ANKS1B: variants seen among roughly 807,000 people sequenced by gnomAD.
ANKS1B encodes the protein ankyrin repeat and sterile alpha motif domain-containing protein 1B.
A neutral mutation model predicts 148.3 loss-of-function variants in ANKS1B; 36 were observed. The ratio of observed to expected loss-of-function variants is 0.24; its 90% CI spans 0.19 to 0.32. The LOEUF is 0.32. ANKS1B is among the 10% of genes least tolerant of loss of function. The probability of loss-of-function intolerance (pLI) is 1.00; values close to 1 mark genes in which losing one functional copy is unlikely to be tolerated. For synonymous variants in ANKS1B, 542 were observed against 560.8 expected (o/e 0.97, Z 0.47); for missense variants, 1,157 against 1,542.6 (o/e 0.75, Z 4.19).
intron 14 of ANKS1B, among the ~76,000 whole-genome samples, chr12:99,209,993 G>C (rs10860404): frequency 0.13 from 20,417 of 152,074 alleles, 1,578 homozygotes; most frequent in South Asian, 0.29. Flanking sequence ...CTGTGATAAA[G>C]CTCTCTCACC....
At chr12:99,090,797 G>A (rs2053745427) in intron 15 of ANKS1B, among the ~76,000 whole-genome samples, 1 of 152,074 alleles carries the variant, frequency 6.6e-6, no homozygotes, top group Non-Finnish European at 1.5e-5. Context: ...TGGTTATTGT[G>A]CTAAATACCA....
intron 12 of ANKS1B, among the ~76,000 whole-genome samples, chr12:99,301,650 G>C (rs1400542786): frequency 6.6e-6 from 1 of 152,078 alleles, no homozygotes; most frequent in African/African-American, 2.4e-5. Context: ...CTATGAACCA[G>C]GCACTGAGTG....
chr12:98,743,531 G>A (rs891138003), downstream of ANKS1B, among the ~76,000 whole-genome samples: 4 of 151,286 alleles, frequency 2.6e-5, no homozygotes, highest in African/African-American at 7.4e-5. Context: ...TGCATGGGCC[G>A]CCTCTCATCT....
chr12:99,980,285 G>C (rs1459814498), intron 1 of ANKS1B, among the ~76,000 whole-genome samples: 2 of 151,868 alleles, frequency 1.3e-5, no homozygotes, highest in Admixed American at 6.6e-5. Context: ...TAATTTCATT[G>C]TATCATGTTT....
intron 14 of ANKS1B, among the ~76,000 whole-genome samples, chr12:99,174,012 T>C (rs971340818): frequency 6.6e-6 from 1 of 152,208 alleles, no homozygotes; most frequent in African/African-American, 2.4e-5. Context: ...TACCTCAAAA[T>C]TGGGAAGATG....
At chr12:98,938,035 G>C (rs746793895) in intron 17 of ANKS1B, among the ~76,000 whole-genome samples, 3 of 152,128 alleles carry the variant, frequency 2.0e-5, no homozygotes, top group Admixed American at 6.5e-5. Context: ...TTCTTCCCTT[G>C]ACATGTGGGG....
chr12:99,841,076 G>A (rs1179886492), intron 1 of ANKS1B, among the ~76,000 whole-genome samples: 1 of 152,088 alleles, frequency 6.6e-6, no homozygotes, highest in Non-Finnish European at 1.5e-5. Flanking sequence ...GCACCACCTT[G>A]GGAAAATTAC....
At chr12:99,361,803 T>C (rs2092484898) in intron 12 of ANKS1B, among the ~76,000 whole-genome samples, 1 of 152,032 alleles carries the variant, frequency 6.6e-6, no homozygotes, top group South Asian at 2.1e-4. Flanking sequence ...AATAGCACAC[T>C]GGGGGTGGGG....
chr12:99,963,709 G>A (rs1267792260), intron 1 of ANKS1B, among the ~76,000 whole-genome samples: 1 of 152,138 alleles, frequency 6.6e-6, no homozygotes, highest in Non-Finnish European at 1.5e-5. Context: ...CTTAAAGCTT[G>A]GGAAATTCCC....
At chr12:98,933,222 C>T (rs904426404) in intron 17 of ANKS1B, among the ~76,000 whole-genome samples, 6 of 152,202 alleles carry the variant, frequency 3.9e-5, no homozygotes, top group Non-Finnish European at 5.9e-5. Context: ...ATGCCTTACA[C>T]AAGTAGCATT....
chr12:99,016,515 G>A (rs879874539), intron 17 of ANKS1B, among the ~76,000 whole-genome samples: 46 of 152,230 alleles, frequency 3.0e-4, no homozygotes, highest in Non-Finnish European at 5.4e-4. Context: ...AATTAACCAG[G>A]CGTGGTGGCA....
At chr12:99,448,659 A>G (rs1260444063) in intron 10 of ANKS1B, among the ~76,000 whole-genome samples, 1 of 152,124 alleles carries the variant, frequency 6.6e-6, no homozygotes, top group Non-Finnish European at 1.5e-5. Context: ...ATGTTTTAAA[A>G]CAGCTTGTTG....
intron 22 of ANKS1B, among the ~76,000 whole-genome samples, chr12:98,791,330 CAAA>C (rs557408637): frequency 9.3e-5 from 11 of 118,192 alleles, no homozygotes; most frequent in Middle Eastern, 4.4e-3. Flanking sequence ...GGGAGACAGT[CAAA>C]AAAAAAAAAA....
chr12:98,892,078 C>T (rs2099753917), intron 17 of ANKS1B, among the ~76,000 whole-genome samples: 1 of 152,184 alleles, frequency 6.6e-6, no homozygotes, highest in Non-Finnish European at 1.5e-5. Context: ...GTTCATTCCT[C>T]TCAGGACATT....
chr12:98,820,951 A>T (rs967280535), intron 19 of ANKS1B, among the ~76,000 whole-genome samples: 1 of 152,274 alleles, frequency 6.6e-6, no homozygotes, highest in African/African-American at 2.4e-5. Context: ...ATAATGTAGA[A>T]GAAAACTAGA....
intron 15 of ANKS1B, among the ~76,000 whole-genome samples, chr12:99,108,637 T>G (rs2059697698): frequency 6.6e-6 from 1 of 152,184 alleles, no homozygotes; most frequent in Non-Finnish European, 1.5e-5. Flanking sequence ...CAATTTTATT[T>G]ATGAACACAG....
At chr12:99,731,420 G>C (rs984336985) in intron 8 of ANKS1B, among the ~76,000 whole-genome samples, 1,613 of 61,574 alleles carry the variant, frequency 0.026, 27 homozygotes, top group African/African-American at 0.058. Context: ...TGCCGTGTGT[G>C]TGTGTGTGTG....
chr12:98,735,661 A>G, intron 9 of ANKS1B: 2 of 756,228 alleles, frequency 2.6e-6, no homozygotes, highest in African/African-American at 1.7e-5. Context: ...TCATTTATTT[A>G]TTCACTTAGT....
At chr12:99,616,920 C>T (rs901499878) in intron 9 of ANKS1B, among the ~76,000 whole-genome samples, 1 of 151,764 alleles carries the variant, frequency 6.6e-6, no homozygotes, top group Non-Finnish European at 1.5e-5. Flanking sequence ...CCAGAATCTA[C>T]AAGAACTTAA....
Sources: gnomAD v4.1 joint callset for allele counts (sites outside exome capture counted in the v4.1 genomes callset) on GRCh38, gnomAD v4.1.1 for gene constraint, MANE v1.5 for transcripts, NCBI Gene and HGNC (gene_info 2026-07-23, HGNC 2026-07-21) for gene names.